NTM: variants seen among roughly 807,000 people sequenced by gnomAD.
NTM encodes the protein neurotrimin.
NTM carries 13 observed loss-of-function variants against 42.1 expected under a neutral mutation model. The ratio of observed to expected loss-of-function variants is 0.31; its 90% CI spans 0.20 to 0.49. The LOEUF (loss-of-function observed/expected upper bound fraction) is 0.49, where lower values mean the gene tolerates loss of function less well. Ranked by LOEUF, NTM falls within the 20% of genes least tolerant of loss-of-function variation. The pLI is 0.99. For missense variants in NTM, 373 were observed against 452.8 expected, an observed-to-expected ratio of 0.82 and a Z score of 1.60; for synonymous variants, 187 against 179.2, an observed-to-expected ratio of 1.04 and a Z score of -0.35.
chr11:131,898,711 C>T (rs942973223), intron 1 of NTM, among the ~76,000 whole-genome samples: 13 of 152,204 alleles, frequency 8.5e-5, no homozygotes, highest in Admixed American at 1.3e-4. Context: ...TTTCAACTAA[C>T]TTACTCTGAT....
At chr11:131,960,461 A>C (rs2134494208) in intron 2 of NTM, among the ~76,000 whole-genome samples, 1 of 152,308 alleles carries the variant, frequency 6.6e-6, no homozygotes, top group East Asian at 1.9e-4. Context: ...CAGTGACTCT[A>C]GGAAGGGAAT....
At chr11:132,189,933 T>C (rs1017268663) in intron 3 of NTM, among the ~76,000 whole-genome samples, 1 of 152,192 alleles carries the variant, frequency 6.6e-6, no homozygotes, top group Non-Finnish European at 1.5e-5. Flanking sequence ...ACATTATAGG[T>C]CCTGCCTTCT....
At chr11:131,701,988 C>T (rs950613599) in intron 1 of NTM, among the ~76,000 whole-genome samples, 12 of 152,220 alleles carry the variant, frequency 7.9e-5, no homozygotes, top group Admixed American at 7.8e-4. Flanking sequence ...GTGTGTCACA[C>T]AACCATGGCT....
intron 1 of NTM, among the ~76,000 whole-genome samples, chr11:131,849,998 G>T (rs2045355431): frequency 7.0e-6 from 1 of 143,486 alleles, no homozygotes; most frequent in African/African-American, 2.7e-5. Flanking sequence ...ATAATAATAA[G>T]ACCTCAGATC....
intron 2 of NTM, among the ~76,000 whole-genome samples, chr11:131,957,623 A>C (rs1026760850): frequency 2.6e-5 from 4 of 152,210 alleles, no homozygotes; most frequent in Non-Finnish European, 5.9e-5. Context: ...AATACACATA[A>C]AAATAAAGGT....
At chr11:132,274,036 T>A (rs188078064) in intron 4 of NTM, among the ~76,000 whole-genome samples, 92 of 152,366 alleles carry the variant, frequency 6.0e-4, no homozygotes, top group Non-Finnish European at 1.1e-3. Flanking sequence ...TTCATAACAT[T>A]GCTTTATGAT....
At chr11:131,567,912 T>C (rs1397879707) in intron 1 of NTM, among the ~76,000 whole-genome samples, 2 of 152,240 alleles carry the variant, frequency 1.3e-5, no homozygotes, top group Non-Finnish European at 2.9e-5. Flanking sequence ...GGTGCAATCA[T>C]AGCACATGGT....
At chr11:131,680,121 C>T (rs2072180621) in intron 1 of NTM, among the ~76,000 whole-genome samples, 2 of 151,998 alleles carry the variant, frequency 1.3e-5, no homozygotes. Context: ...AAAGACAGTC[C>T]AGGAGCCCTG....
At chr11:132,199,877 G>T (rs1489759130) in intron 3 of NTM, among the ~76,000 whole-genome samples, 1 of 151,898 alleles carries the variant, frequency 6.6e-6, no homozygotes, top group Non-Finnish European at 1.5e-5. Context: ...AATCTCGGGG[G>T]GAGATAAAGG....
chr11:131,437,927 T>C lies in NTM; in HGVS notation c.82+67039T>C, dbSNP rs184713353. On this transcript the variant is annotated intron_variant, in intron 1 of 8. Transcript: ENST00000683400. The stretch of plus-strand genomic sequence containing the variant: ...TTTTTGCAGTGGCTGGTACCAGTTT[T>C]TCCTTTCCATGTTTAGTGTTCCTTC... Among the ~76,000 whole-genome samples the C allele has an allele frequency of 1.4e-3, 217 of 152,350 alleles. 2 individuals are homozygous for C. Among genetic ancestry groups the C allele is most frequent in the South Asian group, 8.9e-3 (43 of 4,818 alleles).
chr11:131,502,896 C>A, intron 1 of NTM: 1 of 152,310 alleles, frequency 6.6e-6, no homozygotes, highest in Non-Finnish European at 1.5e-5. Context: ...TTTGGCAGGG[C>A]AGAAGTCATC....
intron 1 of NTM, among the ~76,000 whole-genome samples, chr11:131,817,389 G>A (rs1335280226): frequency 1.3e-5 from 2 of 152,210 alleles, no homozygotes; most frequent in East Asian, 1.9e-4. Flanking sequence ...TTTAGGGGGA[G>A]TGAGAATTTA....
At chr11:131,378,765 A>G (rs568907176) in intron 1 of NTM, among the ~76,000 whole-genome samples, 6 of 152,172 alleles carry the variant, frequency 3.9e-5, no homozygotes, top group Non-Finnish European at 8.8e-5. Flanking sequence ...AAGAAGCTCC[A>G]TCCTTAGATG....
intron 1 of NTM, among the ~76,000 whole-genome samples, chr11:131,640,654 C>T (rs1021542332): frequency 6.6e-6 from 1 of 152,196 alleles, no homozygotes; most frequent in Admixed American, 6.5e-5. Context: ...AAGTGCTGTG[C>T]CTGCTAAGCC....
At chr11:132,115,520 A>G (rs2136831592) in intron 2 of NTM, among the ~76,000 whole-genome samples, 1 of 152,318 alleles carries the variant, frequency 6.6e-6, no homozygotes, top group African/African-American at 2.4e-5. Context: ...AAAGGTAGAC[A>G]TAGGTAACAT....
intron 1 of NTM, among the ~76,000 whole-genome samples, chr11:131,824,649 A>C (rs2041915612): frequency 6.6e-6 from 1 of 152,220 alleles, no homozygotes; most frequent in South Asian, 2.1e-4. Context: ...ATTGTGACAG[A>C]CATTACACTG....
intron 1 of NTM, among the ~76,000 whole-genome samples, chr11:131,908,691 A>C (rs180691540): frequency 9.8e-5 from 15 of 152,364 alleles, no homozygotes; most frequent in African/African-American, 3.6e-4. Flanking sequence ...GCCCAAATTC[A>C]GCAGACTGAA....
At chr11:132,007,678 T>C in intron 2 of NTM, among the ~76,000 whole-genome samples, 1 of 152,220 alleles carries the variant, frequency 6.6e-6, no homozygotes, top group Middle Eastern at 3.2e-3. Context: ...GGAATAATCA[T>C]CCACCTGATT....
At position 131,601,294 on chromosome 11, in the gene NTM, G is replaced by C. The variant is rs566626419; in HGVS notation, c.82+230406G>C. 5.3e-5 allele frequency among the ~76,000 whole-genome samples: 8 copies of C among 152,290 alleles called. No homozygotes were observed. In the East Asian group the frequency reaches 1.5e-3, roughly 29 times the overall value. On this transcript the variant is annotated intron_variant, in intron 1 of 8. Transcript: ENST00000683400. ...GAGGCAGAAGGAGCATGATGGACCA[G>C]AGCACCATCACAGTCCCAGTCTCTT... is the stretch of plus-strand genomic sequence containing the variant.
Sources: allele counts gnomAD v4.1 joint callset (sites outside exome capture counted in the v4.1 genomes callset), GRCh38; gene constraint gnomAD v4.1.1; transcripts MANE v1.5; gene names NCBI Gene and HGNC (gene_info 2026-07-23, HGNC 2026-07-21).